RSPH1: variants seen among roughly 807,000 people sequenced by gnomAD.
RSPH1 encodes the protein radial spoke head component 1.
Under a neutral mutation model 44.2 loss-of-function variants are expected in RSPH1, and 32 were observed. The observed-to-expected ratio is 0.72, with a 90% CI of 0.55 to 0.97. The LOEUF is 0.97. Among genes scored for constraint, RSPH1 ranks in the 50% least tolerant of loss-of-function variants. The pLI, the probability that RSPH1 is intolerant of heterozygous loss-of-function variation, is 0.00. For synonymous variants in RSPH1, 134 were observed against 147.3 expected (o/e 0.91, Z 0.65); for missense variants, 391 against 398.7 (o/e 0.98, Z 0.16).
At chr21:42,476,325 C>T (rs1157417549) in intron 7 of RSPH1, among the ~76,000 whole-genome samples, 1 of 152,074 alleles carries the variant, frequency 6.6e-6, no homozygotes, top group African/African-American at 2.4e-5. Flanking sequence ...AAGAGAAGTC[C>T]CCTGGGGTTC....
intron 6 of RSPH1, 134 bp from the exon 7 acceptor site, chr21:42,477,578 C>T: frequency 2.4e-6 from 2 of 833,956 alleles, no homozygotes; most frequent in Non-Finnish European, 3.8e-6. Context: ...GGACGTCACT[C>T]AGGAATCAGA....
chr21:42,492,560 A>G (rs1274780396), intron 3 of RSPH1, among the ~76,000 whole-genome samples, 198 bp downstream of exon 3: 1 of 152,230 alleles, frequency 6.6e-6, no homozygotes, highest in Non-Finnish European at 1.5e-5. Context: ...CTACAGATTC[A>G]TTAGTGAGTT....
At chr21:42,478,220 T>C (rs2146645850) in intron 6 of RSPH1, among the ~76,000 whole-genome samples, 1 of 152,404 alleles carries the variant, frequency 6.6e-6, no homozygotes, top group Middle Eastern at 3.4e-3. Flanking sequence ...GCACTATGAC[T>C]ATGGAACACT....
Position 42,476,961 on chromosome 21 carries a change from C to T in RSPH1, c.727+330G>A, listed in dbSNP as rs371044800. Among the ~76,000 whole-genome samples, 455 of 151,680 alleles carry T rather than the reference C, an allele frequency of 3.0e-3. 4 individuals are homozygous for T. Among genetic ancestry groups the T allele is most frequent in the African/African-American group, 0.011 (442 of 41,320 alleles). On this transcript the variant is annotated intron_variant, in intron 7 of 8. Coordinates refer to ENST00000291536, the MANE Select transcript of RSPH1 (RefSeq NM_080860.4). ...ACAGCCCAAAGGCGCCCACACCCTC[C>T]ATCCCACAGCCTGGGGATGCCCCAC...
chr21:42,475,469 G>A (rs2146639819), intron 8 of RSPH1, among the ~76,000 whole-genome samples: 1 of 151,382 alleles, frequency 6.6e-6, no homozygotes, highest in Non-Finnish European at 1.5e-5. Context: ...TTGGGATGCT[G>A]AGGCAGGGGA....
intron 3 of RSPH1, among the ~76,000 whole-genome samples, chr21:42,486,855 C>T (rs1404026689): frequency 6.6e-6 from 1 of 152,202 alleles, no homozygotes. Flanking sequence ...CACGAAGATG[C>T]AACGAGGAGG....
At chr21:42,480,454 A>C (rs2054114296) in intron 6 of RSPH1, among the ~76,000 whole-genome samples, 1 of 152,136 alleles carries the variant, frequency 6.6e-6, no homozygotes, top group African/African-American at 2.4e-5. Flanking sequence ...CAGCCTGACC[A>C]ATATGGAGAA....
intron 3 of RSPH1, among the ~76,000 whole-genome samples, chr21:42,491,223 T>C (rs1051274930): frequency 2.0e-5 from 3 of 152,044 alleles, no homozygotes; most frequent in Admixed American, 6.5e-5. Context: ...CAACTTGAGG[T>C]TGACATCTGA....
intron 1 of RSPH1, 43 bp downstream of exon 1, chr21:42,496,090 C>T: frequency 6.2e-7 from 1 of 1,611,068 alleles, no homozygotes; most frequent in South Asian, 1.1e-5. Flanking sequence ...GTTCCCCCGC[C>T]GCTGCGCACC....
At chr21:42,483,351 T>C (rs1346828905) in intron 5 of RSPH1, among the ~76,000 whole-genome samples, 1 of 152,118 alleles carries the variant, frequency 6.6e-6, no homozygotes, top group Non-Finnish European at 1.5e-5. Context: ...AAAGCATACA[T>C]GTGCTTTGAT....
Position 42,477,334 on chromosome 21 carries a change from C to A in RSPH1, c.684G>T (p.Pro228=). ...CTTGGCCAGGTCCATCCGTAGAGGT[C>A]GGCTTTTTGGGGAGAGTTGGTGTCC... ...ALWTPTLPKK[P]TSTDGPGQDA... The change falls in exon 7 of 9, where the codon CCG becomes CCT. Residue 228 remains proline, a synonymous_variant. Coordinates refer to ENST00000291536, the MANE Select transcript of RSPH1 (RefSeq NM_080860.4). 1 of 1,611,494 alleles carries A rather than the reference C, an allele frequency of 6.2e-7. No homozygotes were observed. The highest frequency in any genetic ancestry group is 8.5e-7 in the Non-Finnish European group (1 of 1,179,032).
chr21:42,474,092 C>T lies in RSPH1; in HGVS notation c.878-1222G>A, dbSNP rs2054020010. Among the ~76,000 whole-genome samples, 1 of 152,184 alleles carries T rather than the reference C, an allele frequency of 6.6e-6. No individual in the cohort carries two copies. The highest frequency in any genetic ancestry group is 6.5e-5 in the Admixed American group (1 of 15,286). On this transcript the variant is annotated intron_variant, in intron 8 of 8. Transcript: ENST00000291536. This position sits in a 1 kb window ranked among gnomAD's most constrained non-coding sequence, Gnocchi z 5.2. Reference sequence around the variant, plus strand: ...CCCACCAAGTTTCTGGGGCCTCCTGCCTTGCCTGGCTCCAGGGCACCCATC... The same window carrying T: ...CCCACCAAGTTTCTGGGGCCTCCTGTCTTGCCTGGCTCCAGGGCACCCATC...
intron 6 of RSPH1, among the ~76,000 whole-genome samples, chr21:42,481,510 G>GA (rs1308505477): frequency 6.6e-6 from 1 of 152,224 alleles, no homozygotes; most frequent in Non-Finnish European, 1.5e-5. Flanking sequence ...TCTTCAGAAA[G>GA]AAAGTATGCA....
chr21:42,489,477 G>A (rs1481115027), intron 3 of RSPH1, among the ~76,000 whole-genome samples: 1 of 152,168 alleles, frequency 6.6e-6, no homozygotes, highest in African/African-American at 2.4e-5. Context: ...CTGGCACTTG[G>A]GATTGAAGAC....
chr21:42,492,766 C>G lies in RSPH1; in HGVS notation c.266G>C (p.Arg89Thr). The change falls in exon 3 of 9, where the codon AGA (arginine) becomes ACA (threonine). Residue 89 changes from arginine to threonine, a missense_variant. Arg to Thr is a moderately conservative substitution (Grantham distance 71). Transcript: ENST00000291536. ...TAGTGATAACATTTTACCTTCATAT[C>G]TGGATCCATCTGGATATATAAAAGT... ...QGTFIYPDGS[R>T]YEGEWANDLR... The G allele has an allele frequency of 6.3e-7, 1 of 1,587,064 alleles. No individual in the cohort carries two copies. Among genetic ancestry groups the G allele is most frequent in the Non-Finnish European group, 8.7e-7 (1 of 1,156,040 alleles).
At chr21:42,492,383 C>T (rs1242168210) in intron 3 of RSPH1, among the ~76,000 whole-genome samples, 6 of 152,162 alleles carry the variant, frequency 3.9e-5, no homozygotes, top group African/African-American at 9.7e-5. Context: ...CGTCAGATGG[C>T]GGGGTTGGTC....
In RSPH1 at chr21:42,493,757, G is replaced by C. The variant is rs2054259625; in HGVS notation, c.55-678C>G. Among the ~76,000 whole-genome samples the C allele has an allele frequency of 2.6e-5, 4 of 152,204 alleles. 1 individual carries two copies. The highest frequency in any genetic ancestry group is 9.6e-5 in the African/African-American group (4 of 41,454). On this transcript the variant is annotated intron_variant, in intron 1 of 8. Transcript: ENST00000291536. Reference sequence around the variant, plus strand: ...ATAATTATGTATCTATCTGTGGTTTGTTTTTGTTTTTGAGACAGGGCCTCA... The same window carrying C: ...ATAATTATGTATCTATCTGTGGTTTCTTTTTGTTTTTGAGACAGGGCCTCA...
chr21:42,486,582 C>T, intron 3 of RSPH1, 121 bp from the exon 4 acceptor site: 1 of 720,074 alleles, frequency 1.4e-6, no homozygotes, highest in Non-Finnish European at 2.6e-6. Flanking sequence ...GAAGCCCATG[C>T]ACACACAGGC....
intron 6 of RSPH1, among the ~76,000 whole-genome samples, chr21:42,482,085 T>C (rs1050646040): frequency 6.6e-6 from 1 of 152,040 alleles, no homozygotes; most frequent in Non-Finnish European, 1.5e-5. Context: ...TTATTGGTTG[T>C]TTGTTTGTTT....
Sources: gnomAD v4.1 joint callset for allele counts (sites outside exome capture counted in the v4.1 genomes callset) on GRCh38, gnomAD v4.1.1 for gene constraint, Gnocchi (gnomAD v3.1) non-coding constraint, MANE v1.5 for transcripts, NCBI Gene and HGNC (gene_info 2026-07-23, HGNC 2026-07-21) for gene names.